Variants in SCGB2B2 observed in about 807,000 individuals in gnomAD.
SCGB2B2 encodes the protein secretoglobin family 2B member 2, also known as secretoglobin-like protein.
SCGB2B2 carries 11 observed loss-of-function variants against 7.6 expected under a neutral mutation model. The ratio of observed to expected loss-of-function variants is 1.45; its 90% CI spans 0.91 to 2.40. SCGB2B2 has a LOEUF of 2.40. Among genes scored for constraint, SCGB2B2 ranks in the 30% most tolerant of loss-of-function variants. The pLI is 0.00. For missense variants in SCGB2B2, 104 were observed against 115.4 expected (o/e 0.90, Z 0.45); for synonymous variants, 50 against 48.6 (o/e 1.03, Z -0.12).
At chr19:34,668,388 G>T (rs370909572) in intron 1 of SCGB2B2, among the ~76,000 whole-genome samples, 1 of 152,208 alleles carries the variant, frequency 6.6e-6, no homozygotes, top group Non-Finnish European at 1.5e-5. Context: ...GCCTTCCGGC[G>T]GGGCAGGGCT....
intron 1 of SCGB2B2, among the ~76,000 whole-genome samples, chr19:34,615,655 G>A (rs10408864): frequency 6.6e-6 from 1 of 152,018 alleles, no homozygotes; most frequent in African/African-American, 2.4e-5. Flanking sequence ...AGTGTCTTTT[G>A]TGTGGATTTG....
chr19:34,634,139 C>A (rs556777177), intron 1 of SCGB2B2, among the ~76,000 whole-genome samples: 5 of 152,170 alleles, frequency 3.3e-5, no homozygotes, highest in African/African-American at 9.7e-5. Context: ...TATCTGTGTA[C>A]CCTCATGCCT....
rs529518953 is a variant in SCGB2B2 at position 34,647,445 on chromosome 19, C to A, written c.-2032+28185G>T. 5.3e-5 allele frequency among the ~76,000 whole-genome samples: 8 copies of A among 152,300 alleles called. No homozygotes were observed. The South Asian group carries it at 1.7e-3, about 32-fold the overall frequency. On this transcript the variant is annotated intron_variant, in intron 1 of 3. Transcript: ENST00000601241. Reference sequence around the variant, plus strand: ...ACACTGCCCTAAACTCCTCTGTCTCCCTCCCAGACTCTCACTGCCCCAAAT... The same window carrying A: ...ACACTGCCCTAAACTCCTCTGTCTCACTCCCAGACTCTCACTGCCCCAAAT...
chr19:34,648,097 G>A (rs909014822), intron 1 of SCGB2B2, among the ~76,000 whole-genome samples: 3 of 152,168 alleles, frequency 2.0e-5, no homozygotes, highest in Non-Finnish European at 4.4e-5. Context: ...CAGGTTTAGG[G>A]CAAAGATCCG....
chr19:34,651,762 G>A (rs1175247991), intron 1 of SCGB2B2, among the ~76,000 whole-genome samples: 1 of 151,148 alleles, frequency 6.6e-6, no homozygotes, highest in Non-Finnish European at 1.5e-5. Flanking sequence ...TATCTTCACA[G>A]AAATAGAAAA....
chr19:34,589,549 G>A (rs776937437), downstream of SCGB2B2, among the ~76,000 whole-genome samples: 5 of 152,200 alleles, frequency 3.3e-5, no homozygotes, highest in African/African-American at 4.8e-5. Flanking sequence ...CAGGGGCTCT[G>A]GCTGTCATGG....
chr19:34,624,313 T>G (rs1189631700), intron 1 of SCGB2B2, among the ~76,000 whole-genome samples: 1 of 152,174 alleles, frequency 6.6e-6, no homozygotes, highest in Admixed American at 6.5e-5. Flanking sequence ...TGAAATATCC[T>G]CCTATAGAGT....
At chr19:34,673,133 T>G (rs902902667) in intron 1 of SCGB2B2, among the ~76,000 whole-genome samples, 1 of 152,202 alleles carries the variant, frequency 6.6e-6, no homozygotes, top group Non-Finnish European at 1.5e-5. Context: ...AAACACTGCA[T>G]TATTTTAAAT....
intron 1 of SCGB2B2, among the ~76,000 whole-genome samples, chr19:34,624,885 T>C (rs1600053743): frequency 6.6e-6 from 1 of 152,274 alleles, no homozygotes; most frequent in East Asian, 1.9e-4. Context: ...CTAGAAGCTT[T>C]TAATAGGCTG....
At chr19:34,620,795 T>C (rs1332244749) in intron 1 of SCGB2B2, among the ~76,000 whole-genome samples, 2 of 152,230 alleles carry the variant, frequency 1.3e-5, no homozygotes, top group Admixed American at 6.5e-5. Context: ...GCAAATCTTA[T>C]AGTATTAACA....
At chr19:34,618,391 A>G (rs1336840482) in intron 1 of SCGB2B2, among the ~76,000 whole-genome samples, 1 of 152,232 alleles carries the variant, frequency 6.6e-6, no homozygotes, top group African/African-American at 2.4e-5. Context: ...ACTCAAATAC[A>G]TGGGCCCAGA....
chr19:34,663,816 A>G (rs562666962), intron 1 of SCGB2B2, among the ~76,000 whole-genome samples: 81 of 152,236 alleles, frequency 5.3e-4, no homozygotes, highest in Middle Eastern at 3.4e-3. Flanking sequence ...AGACAAGAAG[A>G]TGGAGATGCA....
At chr19:34,654,382 C>T (rs756126293) in intron 1 of SCGB2B2, among the ~76,000 whole-genome samples, 1 of 150,940 alleles carries the variant, frequency 6.6e-6, no homozygotes, top group Non-Finnish European at 1.5e-5. Context: ...GATAGAGGAG[C>T]CTTAATTTGG....
intron 1 of SCGB2B2, among the ~76,000 whole-genome samples, chr19:34,609,127 GA>G (rs1166010713): frequency 6.6e-6 from 1 of 151,922 alleles, no homozygotes; most frequent in Non-Finnish European, 1.5e-5. Context: ...TCTTTTGAGA[GA>G]TTTTTATTCA....
At chr19:34,587,933 A>G (rs1012025750), downstream of SCGB2B2, among the ~76,000 whole-genome samples, 11 of 152,130 alleles carry the variant, frequency 7.2e-5, no homozygotes, top group African/African-American at 2.7e-4. Context: ...TTTGGCCAGT[A>G]TTTTGGGGAG....
At chr19:34,604,697 GA>G (rs1306892662) in intron 1 of SCGB2B2, among the ~76,000 whole-genome samples, 1 of 152,048 alleles carries the variant, frequency 6.6e-6, no homozygotes, top group African/African-American at 2.4e-5. Context: ...AAAATCCTTT[GA>G]AATTTGTTGA....
chr19:34,630,985 A>G (rs2066513517), intron 1 of SCGB2B2, among the ~76,000 whole-genome samples: 1 of 151,708 alleles, frequency 6.6e-6, no homozygotes, highest in Non-Finnish European at 1.5e-5. Context: ...GAAGCTGGAA[A>G]CCATCATTCT....
At chr19:34,635,437 G>C (rs543401422) in intron 1 of SCGB2B2, 1 of 307,198 alleles carries the variant, frequency 3.3e-6, no homozygotes, top group African/African-American at 2.2e-5. Context: ...CACCCATAAG[G>C]CCTCTCTCCA....
intron 1 of SCGB2B2, among the ~76,000 whole-genome samples, chr19:34,612,902 A>G (rs1197279130): frequency 6.6e-6 from 1 of 152,174 alleles, no homozygotes; most frequent in Non-Finnish European, 1.5e-5. Flanking sequence ...ATCTTTTACC[A>G]TTTGATCCCG....
Sources: gnomAD v4.1 joint callset for allele counts (sites outside exome capture counted in the v4.1 genomes callset) on GRCh38, gnomAD v4.1.1 for gene constraint, MANE v1.5 for transcripts, NCBI Gene and HGNC (gene_info 2026-07-23, HGNC 2026-07-21) for gene names.